Variants in MTCL2 observed in about 807,000 individuals in gnomAD.
MTCL2 encodes microtubule crosslinking factor 2, also known as microtubule cross-linking factor 2.
At chr20:36,803,921 C>T in the MTCL2 span, among the ~76,000 whole-genome samples, 7 of 138,762 alleles carry the variant, frequency 5.0e-5, no homozygotes. Context: ...TGCACCACTG[C>T]ACTCCAGCCT....
At chr20:36,857,153 C>T in the MTCL2 span, among the ~76,000 whole-genome samples, 28 of 152,270 alleles carry the variant, frequency 1.8e-4, no homozygotes, top group Non-Finnish European at 1.3e-4. Context: ...TGTATAACGT[C>T]TGTGTGGGTT....
the MTCL2 span, chr20:36,804,852 C>T: frequency 1.2e-6 from 2 of 1,613,988 alleles, no homozygotes; most frequent in Non-Finnish European, 1.7e-6. Flanking sequence ...GCCAGCACAG[C>T]TCCTTCAGCG....
the MTCL2 span, chr20:36,808,397 C>T: frequency 3.9e-5 from 31 of 791,990 alleles, no homozygotes; most frequent in Admixed American, 5.6e-5. Flanking sequence ...AGGAAGCCTG[C>T]ATGCTGATGG....
the MTCL2 span, chr20:36,793,196 C>G: frequency 6.7e-7 from 1 of 1,500,824 alleles, no homozygotes; most frequent in Non-Finnish European, 8.9e-7. This position sits in a 1 kb window ranked among gnomAD's most constrained non-coding sequence, Gnocchi z 6.8. Context: ...AGAGCTTGGA[C>G]CTTATATACT....
the MTCL2 span, among the ~76,000 whole-genome samples, chr20:36,845,686 TGGGGA>T: frequency 6.6e-6 from 1 of 152,104 alleles, no homozygotes; most frequent in African/African-American, 2.4e-5. Flanking sequence ...TGCTGGGGCT[TGGGGA>T]GGGGACCCAG....
chr20:36,796,209 G>A, the MTCL2 span, among the ~76,000 whole-genome samples: 8 of 152,208 alleles, frequency 5.3e-5, no homozygotes, highest in East Asian at 1.9e-4. Context: ...GGAAATGCAC[G>A]TGTCAGACCA....
chr20:36,805,323 G>A, the MTCL2 span, among the ~76,000 whole-genome samples: 1 of 151,876 alleles, frequency 6.6e-6, no homozygotes, highest in South Asian at 2.1e-4. Flanking sequence ...TTCTCTCCTG[G>A]GCCCATGCCC....
At chr20:36,839,730 C>T in the MTCL2 span, among the ~76,000 whole-genome samples, 4 of 152,286 alleles carry the variant, frequency 2.6e-5, no homozygotes, top group South Asian at 6.2e-4. This position sits in a 1 kb window ranked among gnomAD's most constrained non-coding sequence, Gnocchi z 5.1. Context: ...GCTGTGATGA[C>T]GGAGGAAGGG....
the MTCL2 span, chr20:36,797,648 TC>T: frequency 7.5e-7 from 1 of 1,342,192 alleles, no homozygotes. Context: ...GCAAGGCCAT[TC>T]CCCAGACTCC....
the MTCL2 span, among the ~76,000 whole-genome samples, chr20:36,840,331 ATTTTT>A: frequency 7.0e-6 from 1 of 141,980 alleles, no homozygotes; most frequent in African/African-American, 2.6e-5. Context: ...CGCCTGGCTA[ATTTTT>A]TTTTTTTATT....
At chr20:36,839,271 G>C in the MTCL2 span, 9 of 1,610,726 alleles carry the variant, frequency 5.6e-6, no homozygotes, top group Admixed American at 1.5e-4. This position sits in a 1 kb window ranked among gnomAD's most constrained non-coding sequence, Gnocchi z 5.1. Flanking sequence ...GGCCGGTCTG[G>C]GCGGCACGGA....
the MTCL2 span, chr20:36,862,914 G>T: frequency 7.7e-7 from 1 of 1,306,780 alleles, no homozygotes. Context: ...CGCGGACTCG[G>T]CGTCGCTGCT....
the MTCL2 span, chr20:36,815,158 G>A: frequency 6.2e-7 from 1 of 1,604,516 alleles, no homozygotes; most frequent in Admixed American, 1.7e-5. The surrounding 1 kb of genome is among the most constrained non-coding windows in gnomAD (Gnocchi z 5.3). Flanking sequence ...TTTGCCAGAA[G>A]AATCTCCTTA....
chr20:36,794,686 C>T, the MTCL2 span: 17 of 1,555,438 alleles, frequency 1.1e-5, no homozygotes, highest in East Asian at 1.3e-4. The surrounding 1 kb of genome is among the most constrained non-coding windows in gnomAD (Gnocchi z 5.4). Flanking sequence ...CCGTGTGCTG[C>T]GTGAGGGCAA....
At chr20:36,799,283 G>A in the MTCL2 span, among the ~76,000 whole-genome samples, 1 of 152,120 alleles carries the variant, frequency 6.6e-6, no homozygotes, top group African/African-American at 2.4e-5. Context: ...CTGAGGTTGG[G>A]AGTTCGAGAC....
At chr20:36,835,913 C>G in the MTCL2 span, among the ~76,000 whole-genome samples, 1 of 152,202 alleles carries the variant, frequency 6.6e-6, no homozygotes, top group Non-Finnish European at 1.5e-5. Context: ...GCAGCTAGCT[C>G]CAGGTCCCAG....
the MTCL2 span, chr20:36,794,519 C>T: frequency 6.2e-7 from 1 of 1,614,048 alleles, no homozygotes; most frequent in Non-Finnish European, 8.5e-7. This position sits in a 1 kb window ranked among gnomAD's most constrained non-coding sequence, Gnocchi z 5.4. Context: ...CAGCTTCTTG[C>T]CCCGGGCATC....
At chr20:36,797,683 A>C in the MTCL2 span, 1 of 1,008,668 alleles carries the variant, frequency 9.9e-7, no homozygotes, top group Non-Finnish European at 1.5e-6. Context: ...CAGAACCTAC[A>C]TCATGGACAA....
the MTCL2 span, chr20:36,815,410 T>C: frequency 2.5e-6 from 4 of 1,613,164 alleles, no homozygotes; most frequent in South Asian, 3.3e-5. This position sits in a 1 kb window ranked among gnomAD's most constrained non-coding sequence, Gnocchi z 5.3. Context: ...AGGCCAGCCG[T>C]GAAGCCATTG....
Sources: allele counts gnomAD v4.1 joint callset (sites outside exome capture counted in the v4.1 genomes callset), GRCh38; gene constraint gnomAD v4.1.1; non-coding constraint Gnocchi (gnomAD v3.1); transcripts MANE v1.5; gene names NCBI Gene and HGNC (gene_info 2026-07-23, HGNC 2026-07-21).